The following GUCY1A2 variants were observed in gnomAD, a reference collection of about 807,000 sequenced individuals.
GUCY1A2 encodes the protein guanylate cyclase 1 soluble subunit alpha 2.
GUCY1A2 carries 27 observed loss-of-function variants against 63.5 expected under a neutral mutation model. The ratio of observed to expected loss-of-function variants is 0.43; its 90% CI spans 0.31 to 0.59. The LOEUF is 0.59. GUCY1A2 is among the 20% of genes least tolerant of loss of function. The pLI is 0.11. For missense variants in GUCY1A2, 768 were observed against 913.3 expected, an observed-to-expected ratio of 0.84 and a Z score of 2.05; for synonymous variants, 364 against 343.5, an observed-to-expected ratio of 1.06 and a Z score of -0.66.
At chr11:106,689,252 A>T (rs1862580067) in intron 7 of GUCY1A2, among the ~76,000 whole-genome samples, 1 of 150,462 alleles carries the variant, frequency 6.6e-6, no homozygotes. Context: ...AATAAGTTAT[A>T]ATATGAACAG....
At chr11:106,955,485 C>T (rs1324517518) in intron 3 of GUCY1A2, among the ~76,000 whole-genome samples, 1 of 152,116 alleles carries the variant, frequency 6.6e-6, no homozygotes, top group African/African-American at 2.4e-5. Flanking sequence ...GGAGCTCTTG[C>T]AGGGCAGGAC....
chr11:106,980,106 A>G (rs1311581977), intron 2 of GUCY1A2, among the ~76,000 whole-genome samples: 4 of 152,172 alleles, frequency 2.6e-5, no homozygotes, highest in Non-Finnish European at 5.9e-5. Flanking sequence ...GAGGAAGAAG[A>G]CTCTGGAGAA....
chr11:106,730,015 A>G (rs928595069), intron 6 of GUCY1A2, among the ~76,000 whole-genome samples: 1 of 145,390 alleles, frequency 6.9e-6, no homozygotes, highest in South Asian at 2.2e-4. Flanking sequence ...ATAAGCAAAA[A>G]TGTCATTCTT....
At chr11:106,834,659 C>T (rs1311062190) in intron 4 of GUCY1A2, among the ~76,000 whole-genome samples, 1 of 151,956 alleles carries the variant, frequency 6.6e-6, no homozygotes, top group Non-Finnish European at 1.5e-5. Context: ...ATTTTCATAA[C>T]ACTGCTGGGC....
At chr11:106,979,271 C>G (rs1044081187) in intron 2 of GUCY1A2, among the ~76,000 whole-genome samples, 1 of 151,884 alleles carries the variant, frequency 6.6e-6, no homozygotes, top group African/African-American at 2.4e-5. Context: ...CTGGCTAACA[C>G]GGTGAAACCC....
intron 6 of GUCY1A2, among the ~76,000 whole-genome samples, chr11:106,709,774 A>T (rs1012879192): frequency 1.5e-5 from 2 of 133,732 alleles, no homozygotes; most frequent in African/African-American, 5.4e-5. Context: ...ATACACGTAT[A>T]GAATATATAG....
In GUCY1A2 at chr11:106,689,015, T is replaced by TA. The variant is rs529111048; in HGVS notation, c.1992-1260dup. Among the ~76,000 whole-genome samples the TA allele has an allele frequency of 9.6e-3, 1,457 of 152,216 alleles. 10 individuals carry two copies. The highest frequency in any genetic ancestry group is 0.017 in the Non-Finnish European group (1,166 of 67,990). On this transcript the variant is annotated intron_variant, in intron 7 of 7. Transcript: ENST00000526355. The stretch of plus-strand genomic sequence containing the variant: ...GGATCCAAACCCATTATCTTTTTCT[T>TA]AAAAACAATCCATCCTCCTAAGACA...
chr11:106,741,538 A>G (rs908581140), intron 6 of GUCY1A2, among the ~76,000 whole-genome samples: 1 of 152,196 alleles, frequency 6.6e-6, no homozygotes, highest in South Asian at 2.1e-4. Flanking sequence ...AGCTTGGGAG[A>G]ACAGGTTATG....
intron 5 of GUCY1A2, among the ~76,000 whole-genome samples, chr11:106,795,997 T>C (rs1269340287): frequency 6.6e-6 from 1 of 152,202 alleles, no homozygotes; most frequent in Non-Finnish European, 1.5e-5. Context: ...TGCTCCTGTA[T>C]TGGGTGCATA....
intron 6 of GUCY1A2, among the ~76,000 whole-genome samples, chr11:106,747,125 C>A (rs1031240608): frequency 6.6e-6 from 1 of 152,080 alleles, no homozygotes; most frequent in Non-Finnish European, 1.5e-5. Flanking sequence ...ATAGCTCGGA[C>A]TACAGGCGCC....
chr11:106,867,397 A>G (rs1477289760), intron 4 of GUCY1A2, among the ~76,000 whole-genome samples: 1 of 152,034 alleles, frequency 6.6e-6, no homozygotes, highest in Non-Finnish European at 1.5e-5. Context: ...AGCAATAGAG[A>G]CTCTCCAGTT....
chr11:106,802,158 G>A (rs76403123), intron 5 of GUCY1A2, among the ~76,000 whole-genome samples: 2,886 of 152,270 alleles, frequency 0.019, 76 homozygotes, highest in African/African-American at 0.065. Flanking sequence ...GAGATTTGCA[G>A]ATTGCATTAA....
intron 6 of GUCY1A2, among the ~76,000 whole-genome samples, chr11:106,728,970 T>C (rs1188729640): frequency 2.0e-5 from 3 of 152,180 alleles, no homozygotes; most frequent in African/African-American, 7.2e-5. Context: ...ATTTACTTCA[T>C]TTAATATTGA....
intron 4 of GUCY1A2, among the ~76,000 whole-genome samples, chr11:106,884,391 G>A (rs1000235260): frequency 3.3e-5 from 5 of 152,026 alleles, no homozygotes; most frequent in Admixed American, 1.3e-4. Context: ...GAAGTTAACC[G>A]GTAAATATTC....
In GUCY1A2 at chr11:106,686,270, G is replaced by A. The variant is rs987136047; in HGVS notation, c.*1279C>T. 4.6e-6 allele frequency: 1 copy of A among 218,760 alleles called. No individual in the cohort carries two copies. The highest frequency in any genetic ancestry group is 9.2e-6 in the Non-Finnish European group (1 of 109,008). 13.6% of individuals were successfully genotyped at this position (218,760 alleles called of 1,614,324 possible). Reference sequence around the variant, plus strand: ...AGGTCTTCATTTGAGCAGGACATGCGATGGAATCCTATCTGTAACTATAAT... The same window carrying A: ...AGGTCTTCATTTGAGCAGGACATGCAATGGAATCCTATCTGTAACTATAAT... On this transcript the variant is annotated 3_prime_UTR_variant, in exon 8 of 8. Transcript: ENST00000526355.
chr11:106,789,359 A>G (rs553634697), intron 5 of GUCY1A2, among the ~76,000 whole-genome samples: 1 of 152,172 alleles, frequency 6.6e-6, no homozygotes, highest in Non-Finnish European at 1.5e-5. Context: ...TTTCTTTGTT[A>G]AATGTACCTG....
chr11:106,956,881 G>C (rs1346545532), intron 3 of GUCY1A2, among the ~76,000 whole-genome samples: 1 of 152,188 alleles, frequency 6.6e-6, no homozygotes, highest in Non-Finnish European at 1.5e-5. Flanking sequence ...ACTACCAAGA[G>C]GAGACAGCAA....
intron 4 of GUCY1A2, among the ~76,000 whole-genome samples, chr11:106,910,271 T>G (rs928326503): frequency 6.6e-6 from 1 of 152,028 alleles, no homozygotes; most frequent in Non-Finnish European, 1.5e-5. Flanking sequence ...ATATGTAGTA[T>G]GATCCCTATT....
Position 106,939,740 on chromosome 11 carries a change from G to T in GUCY1A2, c.926C>A (p.Thr309Asn). 1.9e-6 allele frequency: 3 copies of T among 1,613,780 alleles called. No individual in the cohort carries two copies. Among genetic ancestry groups the T allele is most frequent in the Non-Finnish European group, 2.5e-6 (3 of 1,179,724 alleles). ...TCTGAGGTCCGCAGGAACTTGGGAG[G>T]TTCCCTGTGGAAGGTTCTTCATGAT... ...TNIMKNLPQG[T>N]SQVPADLRIS... The change falls in exon 4 of 8, where the codon ACC (threonine) becomes AAC (asparagine). Residue 309 changes from threonine to asparagine, a missense_variant. Physicochemically the swap from Thr to Asn is moderately conservative, Grantham distance 65 (BLOSUM62 0). This residue lies in a region of GUCY1A2 where 496 missense variants were observed against 486.9 expected (regional missense o/e 1.02). Coordinates refer to ENST00000526355, the MANE Select transcript of GUCY1A2 (RefSeq NM_000855.3).
Sources: gnomAD v4.1 joint callset for allele counts (sites outside exome capture counted in the v4.1 genomes callset) on GRCh38, gnomAD v4.1.1 for gene constraint, gnomAD v4.1.1 regional missense constraint, MANE v1.5 for transcripts, NCBI Gene and HGNC (gene_info 2026-07-23, HGNC 2026-07-21) for gene names.